Variants in MPHOSPH6 observed in about 807,000 individuals in gnomAD.
MPHOSPH6 encodes M-phase phosphoprotein 6.
In MPHOSPH6, 25 loss-of-function variants were observed where a neutral mutation model predicts 21.8. The observed-to-expected ratio is 1.15, with a 90% CI of 0.83 to 1.60. The LOEUF (loss-of-function observed/expected upper bound fraction) is 1.60, where lower values mean the gene tolerates loss of function less well. Ranked by LOEUF, MPHOSPH6 falls within the 40% of genes most tolerant of loss-of-function variation. MPHOSPH6 has a pLI of 0.00. For synonymous variants in MPHOSPH6, 84 were observed against 56.5 expected, an observed-to-expected ratio of 1.49 and a Z score of -2.18; for missense variants, 269 against 181.8, an observed-to-expected ratio of 1.48 and a Z score of -2.76.
chr16:82,157,853 C>G (rs574661936), intron 2 of MPHOSPH6, among the ~76,000 whole-genome samples: 1 of 152,282 alleles, frequency 6.6e-6, no homozygotes, highest in East Asian at 1.9e-4. Context: ...GCCTGAGAAA[C>G]ATAAAGCCCC....
rs945806578 is a variant in MPHOSPH6, at chr16:82,156,717, G to C, written c.165-5203C>G. ...ACAATTCCACAGTTACAAAAGAAAT[G>C]AAAACATAACAAAACAAAACTTGAG... On this transcript the variant is annotated intron_variant, in intron 2 of 4. Transcript: ENST00000258169. Among the ~76,000 whole-genome samples, 9 of 152,120 alleles carry C rather than the reference G, an allele frequency of 5.9e-5. No homozygotes were observed. The East Asian group carries it at 1.7e-3, about 29-fold the overall frequency.
At position 82,148,556 on chromosome 16, in the gene MPHOSPH6, G is replaced by A. The variant is rs556799349; in HGVS notation, c.*175C>T. On this transcript the variant is annotated 3_prime_UTR_variant, in exon 5 of 5. Transcript: ENST00000258169. ...CTCTGAATGAATACCAAGAAGCAAAGGATGTACAACATCCATCACACATCT... is the reference window on the plus strand; with the variant it reads ...CTCTGAATGAATACCAAGAAGCAAAAGATGTACAACATCCATCACACATCT... The A allele has an allele frequency of 1.1e-3, 808 of 738,810 alleles. 1 individual carries two copies. Among genetic ancestry groups the A allele is most frequent in the Non-Finnish European group, 1.5e-3 (746 of 498,812 alleles). The allele number at this position is 738,810 out of a possible 1,614,324, so 45.8% of individuals were successfully genotyped here.
intron 4 of MPHOSPH6, among the ~76,000 whole-genome samples, 157 bp downstream of exon 4, chr16:82,149,152 G>C (rs530397263): frequency 6.6e-6 from 1 of 152,184 alleles, no homozygotes; most frequent in South Asian, 2.1e-4. Flanking sequence ...ACAGGTCTGT[G>C]GCCCCCGTAG....
intron 2 of MPHOSPH6, among the ~76,000 whole-genome samples, chr16:82,161,460 A>C (rs561347807): frequency 3.3e-4 from 50 of 152,210 alleles, no homozygotes; most frequent in African/African-American, 1.2e-3. Context: ...AGGAGGAATT[A>C]AACTGCCTAT....
At position 82,170,109 on chromosome 16, in the gene MPHOSPH6, C is replaced by G. The variant is rs1228473446; in HGVS notation, c.51+16G>C. On this transcript the variant is annotated intron_variant, in intron 1 of 4. Coordinates refer to ENST00000258169, the MANE Select transcript of MPHOSPH6 (RefSeq NM_005792.2). ...TGCCCCTACCGCCCGGAGTGGCGCT[C>G]TCAGCGTCCCCGCACCTTCATGCGC... is the stretch of plus-strand genomic sequence containing the variant. The G allele has an allele frequency of 6.3e-7, 1 of 1,587,844 alleles. No homozygotes were observed. The highest frequency in any genetic ancestry group is 8.6e-7 in the Non-Finnish European group (1 of 1,167,464).
At chr16:82,161,496 T>C (rs531973156) in intron 2 of MPHOSPH6, among the ~76,000 whole-genome samples, 2 of 152,304 alleles carry the variant, frequency 1.3e-5, no homozygotes, top group South Asian at 4.1e-4. Context: ...CTGGACCATA[T>C]CCTTGGGGAA....
intron 2 of MPHOSPH6, among the ~76,000 whole-genome samples, chr16:82,161,313 A>T (rs1423750295): frequency 2.0e-5 from 3 of 152,178 alleles, no homozygotes; most frequent in Non-Finnish European, 4.4e-5. Flanking sequence ...CCTATCTTCC[A>T]CCAGCATCAG....
At chr16:82,169,886 G>A (rs1906914209) in intron 1 of MPHOSPH6, among the ~76,000 whole-genome samples, 1 of 152,198 alleles carries the variant, frequency 6.6e-6, no homozygotes. Context: ...TACCCTGACT[G>A]CTTCTGTGTA....
At chr16:82,169,026 A>T (rs1456987793) in intron 1 of MPHOSPH6, among the ~76,000 whole-genome samples, 1 of 152,156 alleles carries the variant, frequency 6.6e-6, no homozygotes, top group Non-Finnish European at 1.5e-5. Flanking sequence ...GTAAGAAGAG[A>T]GTTACTGCCT....
chr16:82,154,829 A>G (rs1456686151), intron 2 of MPHOSPH6, among the ~76,000 whole-genome samples: 1 of 152,184 alleles, frequency 6.6e-6, no homozygotes, highest in Non-Finnish European at 1.5e-5. Flanking sequence ...GGAAGAAATA[A>G]TTTCAATTTT....
rs928522187 is a variant in MPHOSPH6, at chr16:82,170,204, G to A, written c.-29C>T. The A allele has an allele frequency of 3.2e-6, 5 of 1,552,936 alleles. No individual in the cohort carries two copies. Among genetic ancestry groups the A allele is most frequent in the South Asian group, 2.4e-5 (2 of 85,006 alleles). On this transcript the variant is annotated 5_prime_UTR_variant, in exon 1 of 5. Coordinates refer to ENST00000258169, the MANE Select transcript of MPHOSPH6 (RefSeq NM_005792.2). The stretch of plus-strand genomic sequence containing the variant: ...AGCTTCCGCCCAGCGCCGCACTCCG[G>A]CCGCGAGCCTCACCGCACATGCGCG...
chr16:82,148,426 G>T lies in MPHOSPH6; in HGVS notation c.*305C>A. The T allele has an allele frequency of 4.3e-6, 1 of 230,044 alleles. No homozygotes were observed. 14.3% of individuals were successfully genotyped at this position (230,044 alleles called of 1,614,324 possible). ...CAGTAGTTTATGTAAGTCAATTCAAGGTCAGTGACTGGAGAACTATATTAA... is the reference window on the plus strand; with the variant it reads ...CAGTAGTTTATGTAAGTCAATTCAATGTCAGTGACTGGAGAACTATATTAA... On this transcript the variant is annotated 3_prime_UTR_variant, in exon 5 of 5. Coordinates refer to ENST00000258169, the MANE Select transcript of MPHOSPH6 (RefSeq NM_005792.2).
intron 2 of MPHOSPH6, among the ~76,000 whole-genome samples, chr16:82,162,782 G>C (rs774633446): frequency 6.6e-6 from 1 of 152,158 alleles, no homozygotes; most frequent in Non-Finnish European, 1.5e-5. Flanking sequence ...AGGATGCTGA[G>C]TAATGGCAAA....
rs545264387 is a variant in MPHOSPH6 at position 82,168,060 on chromosome 16, G to C, written c.51+2065C>G. 2.0e-5 allele frequency among the ~76,000 whole-genome samples: 3 copies of C among 152,302 alleles called. No individual in the cohort carries two copies. The South Asian group carries it at 6.2e-4, about 32-fold the overall frequency. Reference sequence around the variant, plus strand: ...AGCTGCTAAACCAAATAGAGAATGTGGGTGATCTTTTTCCTTCTCCTTTGC... The same window carrying C: ...AGCTGCTAAACCAAATAGAGAATGTCGGTGATCTTTTTCCTTCTCCTTTGC... On this transcript the variant is annotated intron_variant, in intron 1 of 4. Coordinates refer to ENST00000258169, the MANE Select transcript of MPHOSPH6 (RefSeq NM_005792.2).
At chr16:82,169,305 T>C (rs1189223722) in intron 1 of MPHOSPH6, among the ~76,000 whole-genome samples, 1 of 152,222 alleles carries the variant, frequency 6.6e-6, no homozygotes, top group East Asian at 1.9e-4. Context: ...GAAATTTCCA[T>C]GGTTTTCTTT....
intron 2 of MPHOSPH6, among the ~76,000 whole-genome samples, chr16:82,152,906 G>A (rs977437076): frequency 1.3e-5 from 2 of 152,182 alleles, no homozygotes; most frequent in African/African-American, 4.8e-5. Flanking sequence ...ATTCCCTTAT[G>A]CAACAAACAC....
chr16:82,153,519 T>C (rs1906334094), intron 2 of MPHOSPH6, among the ~76,000 whole-genome samples: 1 of 152,054 alleles, frequency 6.6e-6, no homozygotes, highest in African/African-American at 2.4e-5. Context: ...GACAAACTGT[T>C]TCATTGGGGC....
intron 2 of MPHOSPH6, among the ~76,000 whole-genome samples, chr16:82,151,865 T>G (rs1375572406): frequency 6.6e-6 from 1 of 152,246 alleles, no homozygotes; most frequent in Non-Finnish European, 1.5e-5. Flanking sequence ...TTTTTTCCAA[T>G]TCTTTTTCAG....
At chr16:82,154,755 A>G (rs1031476235) in intron 2 of MPHOSPH6, among the ~76,000 whole-genome samples, 4 of 152,204 alleles carry the variant, frequency 2.6e-5, no homozygotes, top group Admixed American at 1.3e-4. Flanking sequence ...ATTACTAAAA[A>G]TCTTTTCACA....
Sources: allele counts gnomAD v4.1 joint callset (sites outside exome capture counted in the v4.1 genomes callset), GRCh38; gene constraint gnomAD v4.1.1; transcripts MANE v1.5; gene names NCBI Gene and HGNC (gene_info 2026-07-23, HGNC 2026-07-21).